The following CDH18 variants were observed in gnomAD, a reference collection of about 807,000 sequenced individuals.
CDH18 encodes the protein cadherin 18, also known as cadherin-18.
In CDH18, 31 loss-of-function variants were observed where a neutral mutation model predicts 67.9. The ratio of observed to expected loss-of-function variants is 0.46; its 90% confidence interval spans 0.34 to 0.62. The LOEUF (loss-of-function observed/expected upper bound fraction) is 0.62, where lower values mean the gene tolerates loss of function less well. Among genes scored for constraint, CDH18 ranks in the 20% least tolerant of loss-of-function variants. CDH18 has a pLI of 0.01. For synonymous variants in CDH18, 362 were observed against 347.2 expected (o/e 1.04, Z -0.48); for missense variants, 890 against 975.5 (o/e 0.91, Z 1.17).
At position 20,306,882 on chromosome 5, in the gene CDH18, A is replaced by AC. The variant is rs1554115432; in HGVS notation, c.-579-51378_-579-51377insG. 2.2e-3 allele frequency among the ~76,000 whole-genome samples: 332 copies of AC among 149,272 alleles called. 1 individual carries two copies. Among genetic ancestry groups the AC allele is most frequent in the African/African-American group, 4.8e-3 (193 of 40,492 alleles). On this transcript the variant is annotated intron_variant, in intron 1 of 14. Transcript: ENST00000507958. ...TATGATTTAATACATGTGATAATTT[A>AC]TTATGGTATAATCAAATTTGTTGAA...
chr5:19,833,523 G>A (rs1237644567), intron 3 of CDH18, among the ~76,000 whole-genome samples: 2 of 152,024 alleles, frequency 1.3e-5, no homozygotes, highest in African/African-American at 4.8e-5. Context: ...TCTTTCTCTT[G>A]CCTGATTGCC....
At chr5:19,776,274 C>T (rs1177998822) in intron 3 of CDH18, among the ~76,000 whole-genome samples, 3 of 152,052 alleles carry the variant, frequency 2.0e-5, no homozygotes, top group Non-Finnish European at 2.9e-5. Flanking sequence ...TCTTTTCCAC[C>T]TACTCAAAAG....
At chr5:20,134,633 T>C (rs1221424057) in intron 2 of CDH18, among the ~76,000 whole-genome samples, 3 of 152,174 alleles carry the variant, frequency 2.0e-5, no homozygotes, top group South Asian at 2.1e-4. Context: ...TAATTCAAGA[T>C]AAGATTTGGG....
intron 2 of CDH18, among the ~76,000 whole-genome samples, chr5:20,096,312 C>G (rs188949346): frequency 6.6e-6 from 1 of 152,198 alleles, no homozygotes; most frequent in East Asian, 1.9e-4. Flanking sequence ...CCAATTCATG[C>G]TTTTATACTC....
At chr5:20,462,170 T>C (rs1052364567) in intron 1 of CDH18, among the ~76,000 whole-genome samples, 4 of 152,216 alleles carry the variant, frequency 2.6e-5, no homozygotes, top group African/African-American at 7.2e-5. Flanking sequence ...GTATACATAA[T>C]GGAAGAGCAT....
intron 2 of CDH18, among the ~76,000 whole-genome samples, chr5:20,127,198 T>A (rs1386268598): frequency 4.0e-5 from 6 of 151,326 alleles, no homozygotes; most frequent in African/African-American, 1.5e-4. Context: ...ATGTAGCACT[T>A]CCCCCTTTTC....
intron 6 of CDH18, among the ~76,000 whole-genome samples, chr5:19,612,150 G>A (rs544174076): frequency 6.6e-6 from 1 of 152,038 alleles, no homozygotes; most frequent in East Asian, 1.9e-4. Context: ...CAGATACTTC[G>A]CCAAAGGCAA....
intron 2 of CDH18, among the ~76,000 whole-genome samples, chr5:19,956,868 AT>A (rs915389908): frequency 1.3e-5 from 2 of 151,916 alleles, no homozygotes; most frequent in African/African-American, 4.8e-5. Flanking sequence ...TCGTATAAGA[AT>A]CTCAAGAGCA....
intron 2 of CDH18, among the ~76,000 whole-genome samples, chr5:20,242,620 A>ATATATATATACATG (rs1743044578): frequency 2.9e-5 from 2 of 68,880 alleles, no homozygotes; most frequent in African/African-American, 1.3e-4. Context: ...AAATATATAT[A>ATATATATATACATG]TATATATATA....
intron 8 of CDH18, among the ~76,000 whole-genome samples, chr5:19,545,816 A>C (rs1311211575): frequency 6.6e-6 from 1 of 152,356 alleles, no homozygotes; most frequent in East Asian, 1.9e-4. Context: ...ATGGGTATGG[A>C]ATTCAATTGT....
At chr5:20,236,836 AG>A (rs1157300977) in intron 2 of CDH18, among the ~76,000 whole-genome samples, 3 of 152,028 alleles carry the variant, frequency 2.0e-5, no homozygotes, top group African/African-American at 7.2e-5. Context: ...TTTATGAGAC[AG>A]GTATTACCTT....
intron 5 of CDH18, among the ~76,000 whole-genome samples, chr5:19,693,874 C>A (rs749550848): frequency 1.5e-5 from 2 of 137,088 alleles, no homozygotes; most frequent in Admixed American, 1.6e-4. Context: ...CCAGCCTGGG[C>A]GACAAAGTGA....
At chr5:20,271,193 T>G (rs1745410112) in intron 1 of CDH18, among the ~76,000 whole-genome samples, 1 of 152,050 alleles carries the variant, frequency 6.6e-6, no homozygotes, top group Admixed American at 6.6e-5. Flanking sequence ...GGAGGAAACT[T>G]ATTTTTTCAC....
intron 5 of CDH18, among the ~76,000 whole-genome samples, chr5:19,693,821 G>A (rs570885939): frequency 2.0e-5 from 3 of 150,702 alleles, no homozygotes; most frequent in Admixed American, 6.6e-5. Context: ...GCTTGAACCT[G>A]AGAGCTGGAG....
chr5:20,203,187 A>G (rs977329485), intron 2 of CDH18, among the ~76,000 whole-genome samples: 3 of 152,162 alleles, frequency 2.0e-5, no homozygotes, highest in African/African-American at 7.2e-5. Context: ...AGCTTCCCCA[A>G]TCTCTTGGGT....
At chr5:19,692,243 A>G (rs77905641) in intron 5 of CDH18, among the ~76,000 whole-genome samples, 1 of 152,144 alleles carries the variant, frequency 6.6e-6, no homozygotes, top group East Asian at 1.9e-4. Context: ...AAAATGTACT[A>G]AAGACTTACA....
rs561824120 is a variant in CDH18 at position 19,756,792 on chromosome 5, T to G, written c.229-9556A>C. Reference sequence around the variant, plus strand: ...GCCTCTAGGCCAGCAGAATGTAATATCACAGTAACAGGAAGCAAATATTTT... The same window carrying G: ...GCCTCTAGGCCAGCAGAATGTAATAGCACAGTAACAGGAAGCAAATATTTT... On this transcript the variant is annotated intron_variant, in intron 3 of 12. Coordinates refer to ENST00000382275, the MANE Select transcript of CDH18 (RefSeq NM_004934.5). Among the ~76,000 whole-genome samples, 11 of 152,334 alleles carry G rather than the reference T, an allele frequency of 7.2e-5. No homozygotes were observed. The East Asian group carries it at 2.1e-3, about 29-fold the overall frequency.
In CDH18 at chr5:19,909,300, C is replaced by CT. The variant is rs11352062; in HGVS notation, c.-256-70059dup. ...AACGCAAGTAAAGTGGTTTCCTTCA[C>CT]TTTTTTTTTTTTTTTTTTGAGATGG... On this transcript the variant is annotated intron_variant, in intron 2 of 12. Coordinates refer to ENST00000382275, the MANE Select transcript of CDH18 (RefSeq NM_004934.5). 3.2e-3 allele frequency among the ~76,000 whole-genome samples: 414 copies of CT among 130,404 alleles called. 4 individuals carry two copies. Among genetic ancestry groups the CT allele is most frequent in the African/African-American group, 7.8e-3 (272 of 34,678 alleles). 85.6% of individuals were successfully genotyped at this position (130,404 alleles called of 152,430 possible). A position where few individuals can be genotyped will look rare whatever the true frequency, so the allele number is the denominator to read the frequency against.
chr5:19,677,380 A>T (rs548197270), intron 5 of CDH18, among the ~76,000 whole-genome samples: 1 of 152,218 alleles, frequency 6.6e-6, no homozygotes, highest in East Asian at 1.9e-4. Flanking sequence ...TACCACCAGA[A>T]CTGCCTTAAA....
Sources: allele counts gnomAD v4.1 joint callset (sites outside exome capture counted in the v4.1 genomes callset), GRCh38; gene constraint gnomAD v4.1.1; transcripts MANE v1.5; gene names NCBI Gene and HGNC (gene_info 2026-07-23, HGNC 2026-07-21).